The following OCA2 variants were observed in gnomAD, a reference collection of about 807,000 sequenced individuals.
OCA2 encodes P protein.
In OCA2, 77 loss-of-function variants were observed where a neutral mutation model predicts 100.2. That is an observed-to-expected ratio of 0.77 (90% confidence interval 0.64 to 0.93). The LOEUF (loss-of-function observed/expected upper bound fraction) is 0.93, where lower values mean the gene tolerates loss of function less well. Among genes scored for constraint, OCA2 ranks in the 40% least tolerant of loss-of-function variants. The pLI is 0.00. For missense variants in OCA2, 1,062 were observed against 1,089.1 expected (o/e 0.98, Z 0.35); for synonymous variants, 432 against 439.2 (o/e 0.98, Z 0.21).
chr15:27,930,413 A>T (rs2039205108), intron 18 of OCA2, among the ~76,000 whole-genome samples: 1 of 152,082 alleles, frequency 6.6e-6, no homozygotes. Flanking sequence ...TACCATTTTT[A>T]ATATAAAGTT....
intron 18 of OCA2, among the ~76,000 whole-genome samples, chr15:27,938,720 A>G (rs1212255989): frequency 2.0e-5 from 3 of 152,192 alleles, no homozygotes; most frequent in African/African-American, 7.2e-5. Context: ...TGTCCCCTGA[A>G]TGCCAGCTCA....
Position 28,022,521 on chromosome 15 carries a change from A to G in OCA2, c.626T>C (p.Leu209Ser). The G allele has an allele frequency of 6.2e-7, 1 of 1,613,516 alleles. No individual in the cohort carries two copies. Among genetic ancestry groups the G allele is most frequent in the Non-Finnish European group, 8.5e-7 (1 of 1,179,596 alleles). The change falls in exon 6 of 24, where the codon TTA becomes TCA. Residue 209 changes from leucine (L) to serine (S), a missense_variant. Leu to Ser is a moderately radical substitution (Grantham distance 145). Transcript: ENST00000354638. ...GATACAGTAGTTCTCCAGCGGTGATAAGGCCAACAGCTGCCAGAGCTTTCC... is the reference window on the plus strand; with the variant it reads ...GATACAGTAGTTCTCCAGCGGTGATGAGGCCAACAGCTGCCAGAGCTTTCC... ...DQGKLWQLLA[L>S]SPLENYSVNL...
chr15:27,893,746 C>T (rs1163455930), intron 19 of OCA2, among the ~76,000 whole-genome samples: 1 of 152,160 alleles, frequency 6.6e-6, no homozygotes, highest in African/African-American at 2.4e-5. Flanking sequence ...TGCTCTCGAA[C>T]CCTGTTTTCT....
At position 27,798,829 on chromosome 15, in the gene OCA2, T is replaced by G. The variant is rs553739757; in HGVS notation, c.2433-43357A>C. On this transcript the variant is annotated intron_variant, in intron 23 of 23. Transcript: ENST00000354638. ...TAGAAATGTTCCGGGTTTTTGGATT[T>G]ACAAAGCATTTAACAAAGTTAGGCT... Among the ~76,000 whole-genome samples the G allele has an allele frequency of 1.7e-4, 26 of 152,362 alleles. No homozygotes were observed. The South Asian group carries it at 3.5e-3, about 21-fold the overall frequency.
Position 27,965,707 on chromosome 15 carries a change from A to G in OCA2, c.1636+983T>C, listed in dbSNP as rs182113963. Reference sequence around the variant, plus strand: ...CCGTGAGCTCTACAAATTCCCAAAGAAGAGCGCCTTCATCTGCTGAGCTCT... The same window carrying G: ...CCGTGAGCTCTACAAATTCCCAAAGGAGAGCGCCTTCATCTGCTGAGCTCT... On this transcript the variant is annotated intron_variant, in intron 15 of 23. Coordinates refer to ENST00000354638, the MANE Select transcript of OCA2 (RefSeq NM_000275.3). 3.3e-4 allele frequency among the ~76,000 whole-genome samples: 51 copies of G among 152,314 alleles called. 2 individuals carry two copies. The East Asian group carries it at 9.5e-3, about 28-fold the overall frequency.
rs368293640 is a variant in OCA2, at chr15:27,824,578, T to TTCTCTCTCTCTCTCTCTCTCTCTCTCTC, written c.2432+20380_2432+20381insGAGAGAGAGAGAGAGAGAGAGAGAGAGA. On this transcript the variant is annotated intron_variant, in intron 23 of 23. Coordinates refer to ENST00000354638, the MANE Select transcript of OCA2 (RefSeq NM_000275.3). ...CTAATTTCTTTTGAATAAATACAATTTCTCTCTCTCTCTCTCTCTCTCTCT... is the reference window on the plus strand; with the variant it reads ...CTAATTTCTTTTGAATAAATACAATTTCTCTCTCTCTCTCTCTCTCTCTCTCTCTCTCTCTCTCTCTCTCTCTCTCTCT... Among the ~76,000 whole-genome samples the TTCTCTCTCTCTCTCTCTCTCTCTCTCTC allele has an allele frequency of 4.1e-4, 22 of 53,618 alleles. 3 individuals are homozygous for TTCTCTCTCTCTCTCTCTCTCTCTCTCTC. The highest frequency in any genetic ancestry group is 0.015 in the East Asian group (2 of 132). The allele number at this position is 53,618 out of a possible 152,430, so 35.2% of individuals were successfully genotyped here.
intron 2 of OCA2, among the ~76,000 whole-genome samples, chr15:28,050,426 T>A (rs1341288253): frequency 6.6e-6 from 1 of 151,884 alleles, no homozygotes; most frequent in South Asian, 2.1e-4. Context: ...CCAGCAATAG[T>A]GGCAGGCGTC....
chr15:27,770,812 TCCTC>T (rs2031702327), intron 23 of OCA2, among the ~76,000 whole-genome samples: 2 of 109,852 alleles, frequency 1.8e-5, no homozygotes, highest in African/African-American at 3.8e-5. Context: ...TTTCCTTCCT[TCCTC>T]CCTTCCATTC....
chr15:27,860,388 T>C (rs2036086581), intron 21 of OCA2, among the ~76,000 whole-genome samples: 1 of 152,192 alleles, frequency 6.6e-6, no homozygotes, highest in Non-Finnish European at 1.5e-5. Context: ...ACTTCAAATG[T>C]TCCTGTCACC....
intron 2 of OCA2, among the ~76,000 whole-genome samples, chr15:28,055,112 C>T (rs960554006): frequency 2.0e-5 from 3 of 152,174 alleles, no homozygotes; most frequent in Admixed American, 2.0e-4. Flanking sequence ...TCTCCAAATG[C>T]GTGTCCACTT....
intron 23 of OCA2, among the ~76,000 whole-genome samples, chr15:27,762,619 C>T (rs981354556): frequency 1.3e-5 from 2 of 152,170 alleles, no homozygotes; most frequent in African/African-American, 4.8e-5. Flanking sequence ...CCCGAACACT[C>T]CACCCTGCAC....
At chr15:28,084,987 C>T (rs2044753149) in intron 1 of OCA2, among the ~76,000 whole-genome samples, 1 of 152,174 alleles carries the variant, frequency 6.6e-6, no homozygotes, top group Admixed American at 6.5e-5. Context: ...CTGGGTCCTG[C>T]CTGCCTACAC....
Position 27,909,603 on chromosome 15 carries a change from T to C in OCA2, c.2079+16524A>G, listed in dbSNP as rs78317617. ...GTTCAGAAATAGGACCAAGGACATA[T>C]GAAAAGCTAATGTAGGATAAAATTG... On this transcript the variant is annotated intron_variant, in intron 19 of 23. Coordinates refer to ENST00000354638, the MANE Select transcript of OCA2 (RefSeq NM_000275.3). 1.2e-3 allele frequency among the ~76,000 whole-genome samples: 185 copies of C among 152,228 alleles called. 4 individuals carry two copies. In the East Asian group the frequency reaches 0.031, roughly 26 times the overall value.
chr15:27,990,665 A>G lies in OCA2; in HGVS notation c.1045-18T>C. The G allele has an allele frequency of 6.2e-7, 1 of 1,612,688 alleles. No individual in the cohort carries two copies. Among genetic ancestry groups the G allele is most frequent in the Admixed American group, 1.7e-5 (1 of 60,022 alleles). ...TGCACGATCTGGAAAGAAGCACAGG[A>G]AATTACCGCGTTCCAGTGCACGAGG... On this transcript the variant is annotated intron_variant, in intron 9 of 23. Coordinates refer to ENST00000354638, the MANE Select transcript of OCA2 (RefSeq NM_000275.3).
At chr15:27,764,451 C>T (rs375375128) in intron 23 of OCA2, among the ~76,000 whole-genome samples, 1 of 152,142 alleles carries the variant, frequency 6.6e-6, no homozygotes, top group Non-Finnish European at 1.5e-5. Context: ...AAAATCTCCC[C>T]TTCCATTCCA....
At chr15:27,972,870 TTTATTTTA>T in intron 14 of OCA2, among the ~76,000 whole-genome samples, 2 of 56,170 alleles carry the variant, frequency 3.6e-5, no homozygotes, top group African/African-American at 7.0e-5. Context: ...TTTATTTTAT[TTTATTTTA>T]TTTTTGTGAC....
At chr15:27,778,663 T>G (rs958514278) in intron 23 of OCA2, among the ~76,000 whole-genome samples, 20 of 151,344 alleles carry the variant, frequency 1.3e-4, no homozygotes, top group Admixed American at 6.6e-5. Flanking sequence ...GTTGTGGAAA[T>G]TTCCCAGGGC....
intron 21 of OCA2, among the ~76,000 whole-genome samples, chr15:27,857,556 C>A (rs1595526429): frequency 6.6e-6 from 1 of 151,718 alleles, no homozygotes; most frequent in Non-Finnish European, 1.5e-5. Flanking sequence ...TAAGATGGTG[C>A]ATTTTATGTT....
chr15:28,077,566 G>A (rs1206116237), intron 2 of OCA2, among the ~76,000 whole-genome samples: 6 of 152,272 alleles, frequency 3.9e-5, no homozygotes, highest in Non-Finnish European at 7.4e-5. Context: ...CAGAGCAGGC[G>A]CAGGGTCCCA....
Sources: allele counts gnomAD v4.1 joint callset (sites outside exome capture counted in the v4.1 genomes callset), GRCh38; gene constraint gnomAD v4.1.1; transcripts MANE v1.5; gene names NCBI Gene and HGNC (gene_info 2026-07-23, HGNC 2026-07-21).